Variants in TJAP1 observed in about 807,000 individuals in gnomAD.
The protein encoded by TJAP1 is tight junction associated protein 1, also known as tight junction-associated protein 1.
Under a neutral mutation model 42.0 loss-of-function variants are expected in TJAP1, and 27 were observed. That is an observed-to-expected ratio of 0.64 (90% CI 0.47 to 0.89). The LOEUF is 0.89. TJAP1 is among the 40% of genes least tolerant of loss of function. The pLI is 0.00. For missense variants in TJAP1, 712 were observed against 726.9 expected (o/e 0.98, Z 0.24); for synonymous variants, 257 against 288.4 (o/e 0.89, Z 1.10).
Position 43,505,930 on chromosome 6 carries a change from C to T in TJAP1, c.*75C>T. 7.1e-7 allele frequency: 1 copy of T among 1,400,646 alleles called. No individual in the cohort carries two copies. Among genetic ancestry groups the T allele is most frequent in the Non-Finnish European group, 9.3e-7 (1 of 1,075,612 alleles). The allele number at this position is 1,400,646 out of a possible 1,614,324, so 86.8% of individuals were successfully genotyped here. A position where few individuals can be genotyped will look rare whatever the true frequency, so the allele number is the denominator to read the frequency against. On this transcript the variant is annotated 3_prime_UTR_variant, in exon 11 of 11. Transcript: ENST00000372449. The surrounding 1 kb of genome is among the most constrained non-coding windows in gnomAD (Gnocchi z 5.5). Reference sequence around the variant, plus strand: ...CCCACACCTTGGCAGCTCAGGGTCCCCAGTCCAAGCCCTTGACCTCTCCTC... The same window carrying T: ...CCCACACCTTGGCAGCTCAGGGTCCTCAGTCCAAGCCCTTGACCTCTCCTC...
chr6:43,502,494 T>C (rs1791163385), intron 7 of TJAP1, 94 bp from the exon 8 acceptor site: 4 of 1,515,620 alleles, frequency 2.6e-6, no homozygotes, highest in South Asian at 2.4e-5. Flanking sequence ...CAGTGTGCTC[T>C]GCAAGTCAAG....
At chr6:43,488,393 C>T (rs1414138574) in intron 2 of TJAP1, among the ~76,000 whole-genome samples, 1 of 152,178 alleles carries the variant, frequency 6.6e-6, no homozygotes, top group Non-Finnish European at 1.5e-5. Flanking sequence ...GGTCTTGCCA[C>T]AGCAGGCACC....
At position 43,505,163 on chromosome 6, in the gene TJAP1, G is replaced by A; in HGVS notation, c.982G>A (p.Gly328Ser). The change falls in exon 11 of 11, where the codon GGC (glycine) becomes AGC (serine). Residue 328 changes from glycine (G) to serine (S), a missense_variant. By Grantham distance (56) the Gly-to-Ser change is moderately conservative. Transcript: ENST00000372449. The surrounding 1 kb of genome is among the most constrained non-coding windows in gnomAD (Gnocchi z 5.5). ...GTCTCCACCACACCCACTGTATCCT[G>A]GCCGCAGGGTAATAGAGTTCTCTGA... The A allele has an allele frequency of 6.2e-7, 1 of 1,614,174 alleles. No homozygotes were observed. The highest frequency in any genetic ancestry group is 8.5e-7 in the Non-Finnish European group (1 of 1,180,020).
At chr6:43,486,847 C>G (rs571948033) in intron 2 of TJAP1, among the ~76,000 whole-genome samples, 2 of 152,236 alleles carry the variant, frequency 1.3e-5, no homozygotes, top group African/African-American at 2.4e-5. Flanking sequence ...TTGTTAATGC[C>G]CAGATAAATC....
At chr6:43,481,485 C>G (rs1324146196) in intron 2 of TJAP1, among the ~76,000 whole-genome samples, 1 of 141,932 alleles carries the variant, frequency 7.0e-6, no homozygotes, top group East Asian at 2.0e-4. Flanking sequence ...AGACATCACC[C>G]CCCCCCCAAA....
At chr6:43,489,662 C>T (rs1787369464) in intron 2 of TJAP1, 1 of 152,240 alleles carries the variant, frequency 6.6e-6, no homozygotes, top group Non-Finnish European at 1.5e-5. Flanking sequence ...CCTTCTCCAA[C>T]AGCCGTCCTC....
At chr6:43,502,049 C>G (rs1225615703) in intron 6 of TJAP1, among the ~76,000 whole-genome samples, 8 of 94,380 alleles carry the variant, frequency 8.5e-5, no homozygotes, top group Non-Finnish European at 1.6e-4. Flanking sequence ...AATGCGGGGA[C>G]ACACACACAC....
chr6:43,505,368 C>T lies in TJAP1; in HGVS notation c.1187C>T (p.Thr396Ile), dbSNP rs1235057190. The T allele has an allele frequency of 1.9e-6, 3 of 1,609,656 alleles. No homozygotes were observed. The highest frequency in any genetic ancestry group is 1.3e-5 in the African/African-American group (1 of 74,894). Residue 396 changes from threonine to isoleucine, a missense_variant, in exon 11 of 11, where the codon ACA becomes ATA. This residue lies in a region of TJAP1 where 549 missense variants were observed against 528.2 expected (regional missense o/e 1.04). Transcript: ENST00000372449. This position sits in a 1 kb window ranked among gnomAD's most constrained non-coding sequence, Gnocchi z 5.5. ...CACCAGCCCAGCCCAGCACCCCTAACACTCAGTGCCCCAGCTAGCTCTGCC... is the reference window on the plus strand; with the variant it reads ...CACCAGCCCAGCCCAGCACCCCTAATACTCAGTGCCCCAGCTAGCTCTGCC...
rs1787926564 is a variant in TJAP1, at chr6:43,492,028, G to T, written c.-121-5853G>T. On this transcript the variant is annotated intron_variant, in intron 2 of 10. Coordinates refer to ENST00000372449, the Ensembl canonical transcript of TJAP1. The surrounding 1 kb of genome is among the most constrained non-coding windows in gnomAD (Gnocchi z 4.2). ...GCATGGGGTCTAATGTCAAATGCAG[G>T]CTATGACCTTGGGGATTTCTTGCCC... Among the ~76,000 whole-genome samples the T allele has an allele frequency of 6.6e-6, 1 of 152,170 alleles. No homozygotes were observed. The highest frequency in any genetic ancestry group is 6.5e-5 in the Admixed American group (1 of 15,280).
rs753088689 is a variant in TJAP1 at position 43,505,057 on chromosome 6, C to T, written c.876C>T (p.His292=). 2 of 1,614,114 alleles carry T rather than the reference C, an allele frequency of 1.2e-6. No homozygotes were observed. The highest frequency in any genetic ancestry group is 3.3e-5 in the Admixed American group (2 of 60,024). ...CCCCACAACCCAATGGGGAGTGCCA[C>T]TCTCTGGGTACTGCCAGGGGCTCCC... is the stretch of plus-strand genomic sequence containing the variant. Residue 292 remains histidine, a synonymous_variant, in exon 11 of 11, where the codon CAC becomes CAT. Coordinates refer to ENST00000372449, the Ensembl canonical transcript of TJAP1. This position sits in a 1 kb window ranked among gnomAD's most constrained non-coding sequence, Gnocchi z 5.5.
chr6:43,504,720 T>C, intron 10 of TJAP1, 41 bp from the exon 11 acceptor site: 1 of 1,587,528 alleles, frequency 6.3e-7, no homozygotes, highest in Non-Finnish European at 8.6e-7. Context: ...TATCTTTGGC[T>C]GCGATCATTG....
At chr6:43,479,555 A>G (rs998723139) in intron 2 of TJAP1, among the ~76,000 whole-genome samples, 2 of 152,090 alleles carry the variant, frequency 1.3e-5, no homozygotes, top group African/African-American at 4.8e-5. Flanking sequence ...TACTTGGGAT[A>G]CTGAGATGGG....
chr6:43,481,338 C>T (rs1041581996), intron 2 of TJAP1, among the ~76,000 whole-genome samples: 1 of 152,020 alleles, frequency 6.6e-6, no homozygotes, highest in Non-Finnish European at 1.5e-5. Flanking sequence ...ACTGAGCACA[C>T]CTTAAAGGGG....
rs577631783 is a variant in TJAP1, at chr6:43,496,529, G to A, written c.-121-1352G>A. Reference sequence around the variant, plus strand: ...TGTCAGGGGGAGGAGGCTGGCGGCCGTGCCTGTGCTGCCGCACCTCAGCTC... The same window carrying A: ...TGTCAGGGGGAGGAGGCTGGCGGCCATGCCTGTGCTGCCGCACCTCAGCTC... On this transcript the variant is annotated intron_variant, in intron 2 of 10. Coordinates refer to ENST00000372449, the Ensembl canonical transcript of TJAP1. Among the ~76,000 whole-genome samples, 16 of 152,344 alleles carry A rather than the reference G, an allele frequency of 1.1e-4. No individual in the cohort carries two copies. In the East Asian group the frequency reaches 1.4e-3, roughly 13 times the overall value.
intron 2 of TJAP1, chr6:43,497,607 T>C (rs1789506875): frequency 6.6e-6 from 1 of 152,268 alleles, no homozygotes. Flanking sequence ...ACCGGACCTA[T>C]TCCAGAATTG....
chr6:43,494,701 G>A (rs1365729028), intron 2 of TJAP1, among the ~76,000 whole-genome samples: 3 of 144,942 alleles, frequency 2.1e-5, no homozygotes, highest in Admixed American at 7.0e-5. Flanking sequence ...AGGCTGGAGT[G>A]TAGTGGCGCG....
intron 5 of TJAP1, 151 bp from the exon 6 acceptor site, chr6:43,501,375 C>T: frequency 1.4e-6 from 1 of 698,606 alleles, no homozygotes; most frequent in Non-Finnish European, 2.4e-6. Flanking sequence ...AAATATGCTG[C>T]CTTAGACTCA....
intron 8 of TJAP1, chr6:43,503,036 T>C (rs915923306): frequency 9.0e-6 from 4 of 444,042 alleles, no homozygotes; most frequent in African/African-American, 5.9e-5. Flanking sequence ...AGCCTGATGC[T>C]GGAAACAGCT....
At chr6:43,483,065 T>C (rs910161019) in intron 2 of TJAP1, among the ~76,000 whole-genome samples, 3 of 151,562 alleles carry the variant, frequency 2.0e-5, no homozygotes, top group African/African-American at 7.3e-5. Context: ...GAGGTTTCAG[T>C]GAACCAAGAT....
Sources: gnomAD v4.1 joint callset for allele counts (sites outside exome capture counted in the v4.1 genomes callset) on GRCh38, gnomAD v4.1.1 for gene constraint, gnomAD v4.1.1 regional missense constraint, Gnocchi (gnomAD v3.1) non-coding constraint, MANE v1.5 for transcripts, NCBI Gene and HGNC (gene_info 2026-07-23, HGNC 2026-07-21) for gene names.